Variants in TNNI3K observed in about 807,000 individuals in gnomAD.
TNNI3K encodes serine/threonine-protein kinase TNNI3K.
In TNNI3K, 140 loss-of-function variants were observed where a neutral mutation model predicts 114.5. That is an observed-to-expected ratio of 1.22 (90% confidence interval 1.07 to 1.41). The LOEUF (loss-of-function observed/expected upper bound fraction) is 1.41. Among genes scored for constraint, TNNI3K ranks in the 40% most tolerant of loss-of-function variants. TNNI3K has a pLI of 0.00. For synonymous variants in TNNI3K, 347 were observed against 347.5 expected, an observed-to-expected ratio of 1.00 and a Z score of 0.02; for missense variants, 1,125 against 1,007.6, an observed-to-expected ratio of 1.12 and a Z score of -1.58.
chr1:74,317,475 G>T (rs537153649), intron 5 of TNNI3K, among the ~76,000 whole-genome samples: 1 of 152,262 alleles, frequency 6.6e-6, no homozygotes, highest in East Asian at 1.9e-4. Flanking sequence ...AGATTTCTGG[G>T]GAGAGGAAAT....
chr1:74,466,517 T>G lies in TNNI3K; in HGVS notation c.2121+2967T>G, dbSNP rs535560992. ...CGATTGCTTAGCAGAAAAGTTGTAC[T>G]GTTAAGAAGTGAAGTTTGTCAGCAC... is the stretch of plus-strand genomic sequence containing the variant. On this transcript the variant is annotated intron_variant, in intron 21 of 24. Coordinates refer to ENST00000326637, the MANE Select transcript of TNNI3K (RefSeq NM_015978.3). Among the ~76,000 whole-genome samples, 10 of 152,284 alleles carry G rather than the reference T, an allele frequency of 6.6e-5. No individual in the cohort carries two copies. The East Asian group carries it at 1.9e-3, about 29-fold the overall frequency.
At chr1:74,280,693 A>G (rs924336892) in intron 5 of TNNI3K, among the ~76,000 whole-genome samples, 3 of 152,190 alleles carry the variant, frequency 2.0e-5, no homozygotes, top group Admixed American at 2.0e-4. Context: ...ACTTCCAGCT[A>G]GCTCTACCAT....
intron 21 of TNNI3K, chr1:74,469,863 G>T (rs1667839077): frequency 2.5e-6 from 1 of 400,364 alleles, no homozygotes; most frequent in East Asian, 3.6e-5. Context: ...TATTATTTGA[G>T]TTATTTTGTT....
intron 4 of TNNI3K, among the ~76,000 whole-genome samples, chr1:74,252,574 C>T (rs953093561): frequency 3.3e-5 from 5 of 152,074 alleles, no homozygotes; most frequent in South Asian, 2.1e-4. Flanking sequence ...TTCTTAAAGG[C>T]GGCATGTCCA....
chr1:74,419,906 A>T (rs915379844), intron 17 of TNNI3K, among the ~76,000 whole-genome samples: 1 of 152,130 alleles, frequency 6.6e-6, no homozygotes, highest in Admixed American at 6.6e-5. Context: ...TAAGATACAT[A>T]AATATTGTAT....
intron 17 of TNNI3K, among the ~76,000 whole-genome samples, chr1:74,419,565 GT>G (rs1665295743): frequency 6.6e-6 from 1 of 152,068 alleles, no homozygotes; most frequent in Admixed American, 6.6e-5. Flanking sequence ...TTGTGTGTAT[GT>G]GTGTTTGTGA....
chr1:74,401,957 G>A (rs1378227178), intron 17 of TNNI3K: 1 of 394,322 alleles, frequency 2.5e-6, no homozygotes. Flanking sequence ...CATCCTAAAA[G>A]GTATTGATGG....
At chr1:74,237,545 G>A (rs1352560512) in intron 2 of TNNI3K, among the ~76,000 whole-genome samples, 2 of 151,924 alleles carry the variant, frequency 1.3e-5, no homozygotes, top group Non-Finnish European at 2.9e-5. Flanking sequence ...GAGCACATAG[G>A]TGAAGGCTAG....
At position 74,250,723 on chromosome 1, in the gene TNNI3K, G is replaced by A. The variant is rs774437316; in HGVS notation, c.287G>A (p.Arg96Gln). The A allele has an allele frequency of 2.7e-5, 43 of 1,612,898 alleles. No homozygotes were observed. Among genetic ancestry groups the A allele is most frequent in the Non-Finnish European group, 3.6e-5 (42 of 1,179,644 alleles). Residue 96 changes from arginine to glutamine, a missense_variant, in exon 4 of 25, where the codon CGA becomes CAA. Transcript: ENST00000326637. ...TLMLKGLRPS[R>Q]LTRNGFTALH... ...ATGTTGAAAGGGCTCCGCCCATCTC[G>A]ACTGACAAGAAATGGATTTACAGCC... is the stretch of plus-strand genomic sequence containing the variant.
At chr1:74,334,935 G>C (rs1156756942) in intron 6 of TNNI3K, among the ~76,000 whole-genome samples, 3 of 152,124 alleles carry the variant, frequency 2.0e-5, no homozygotes. Context: ...ACTAAAGAGA[G>C]CAAATGACAA....
chr1:74,481,251 G>T (rs963064127), intron 21 of TNNI3K, among the ~76,000 whole-genome samples: 1 of 151,990 alleles, frequency 6.6e-6, no homozygotes, highest in Non-Finnish European at 1.5e-5. Context: ...TCATTGTTTC[G>T]GATTATCTTC....
chr1:74,376,283 C>A (rs1449145366), intron 17 of TNNI3K, among the ~76,000 whole-genome samples: 1 of 151,862 alleles, frequency 6.6e-6, no homozygotes, highest in African/African-American at 2.4e-5. Context: ...GTAAAAAAAA[C>A]ACAACAATTA....
At chr1:74,492,344 C>G (rs1297435781) in intron 23 of TNNI3K, 78 bp downstream of exon 23, 2 of 1,350,462 alleles carry the variant, frequency 1.5e-6, no homozygotes, top group Non-Finnish European at 1.9e-6. Flanking sequence ...GATTTGATTA[C>G]TATTAACAGG....
intron 5 of TNNI3K, among the ~76,000 whole-genome samples, chr1:74,297,456 G>A (rs1375268048): frequency 6.6e-6 from 1 of 151,950 alleles, no homozygotes. Flanking sequence ...GGCCATGTGA[G>A]GAAACCAGGA....
At chr1:74,404,369 A>G (rs1047343548) in intron 17 of TNNI3K, among the ~76,000 whole-genome samples, 4 of 152,056 alleles carry the variant, frequency 2.6e-5, no homozygotes, top group African/African-American at 9.7e-5. Flanking sequence ...CAGGTTTGAC[A>G]GCTTAACTTT....
intron 17 of TNNI3K, among the ~76,000 whole-genome samples, chr1:74,392,693 T>A (rs1188256215): frequency 1.3e-5 from 2 of 152,242 alleles, no homozygotes; most frequent in African/African-American, 4.8e-5. Context: ...TTTGCAGTTT[T>A]TATTTTCTGA....
At chr1:74,267,808 C>T (rs1656092405) in intron 4 of TNNI3K, among the ~76,000 whole-genome samples, 1 of 151,806 alleles carries the variant, frequency 6.6e-6, no homozygotes, top group African/African-American at 2.4e-5. Flanking sequence ...TTTGACCTTA[C>T]CATTTGCCCA....
chr1:74,335,364 T>C (rs1409773915), intron 6 of TNNI3K, among the ~76,000 whole-genome samples: 1 of 152,166 alleles, frequency 6.6e-6, no homozygotes, highest in East Asian at 1.9e-4. Context: ...CAACATAAGG[T>C]CAGTAGCAGG....
chr1:74,236,930 A>G lies in TNNI3K; in HGVS notation c.149+720A>G, dbSNP rs190579852. On this transcript the variant is annotated intron_variant, in intron 2 of 24. Coordinates refer to ENST00000326637, the MANE Select transcript of TNNI3K (RefSeq NM_015978.3). ...ACCTGCCTGACTAAGGAAAAGTTCC[A>G]TATAGGCCAATTAGCCATGTTCATT... is the stretch of plus-strand genomic sequence containing the variant. 3.6e-3 allele frequency among the ~76,000 whole-genome samples: 542 copies of G among 152,024 alleles called. 7 individuals are homozygous for G. Among genetic ancestry groups the G allele is most frequent in the Non-Finnish European group, 1.8e-3 (123 of 67,822 alleles).
Sources: gnomAD v4.1 joint callset for allele counts (sites outside exome capture counted in the v4.1 genomes callset) on GRCh38, gnomAD v4.1.1 for gene constraint, MANE v1.5 for transcripts, NCBI Gene and HGNC (gene_info 2026-07-23, HGNC 2026-07-21) for gene names.